AGBL3: variants seen among roughly 807,000 people sequenced by gnomAD.
The protein encoded by AGBL3 is AGBL carboxypeptidase 3, also known as cytosolic carboxypeptidase 3.
Under a neutral mutation model 94.5 loss-of-function variants are expected in AGBL3, and 68 were observed. That is an observed-to-expected ratio of 0.72 (90% CI 0.59 to 0.88). AGBL3 has a LOEUF of 0.88. Among genes scored for constraint, AGBL3 ranks in the 40% least tolerant of loss-of-function variants. AGBL3 has a pLI of 0.00. For synonymous variants in AGBL3, 354 were observed against 370.7 expected (o/e 0.95, Z 0.52); for missense variants, 934 against 1,103.8 (o/e 0.85, Z 2.18).
At chr7:134,989,180 A>G in intron 2 of AGBL3, 70 bp from the exon 3 acceptor site, 4 of 1,060,084 alleles carry the variant, frequency 3.8e-6, no homozygotes, top group Non-Finnish European at 5.6e-6. Context: ...ACTAAAATAG[A>G]TGTAAAAAAA....
At chr7:135,010,022 C>CTT (rs34139471) in intron 4 of AGBL3, 653 of 387,964 alleles carry the variant, frequency 1.7e-3, no homozygotes, top group South Asian at 2.9e-3. Context: ...GAGGATGACA[C>CTT]TTTTTTTTTT....
intron 16 of AGBL3, among the ~76,000 whole-genome samples, chr7:135,134,081 G>A (rs1829152808): frequency 6.6e-6 from 1 of 152,108 alleles, no homozygotes; most frequent in Non-Finnish European, 1.5e-5. Context: ...GAGGGGATGG[G>A]AAAGGAGGGA....
intron 15 of AGBL3, among the ~76,000 whole-genome samples, chr7:135,112,897 C>A (rs1244009516): frequency 6.6e-6 from 1 of 152,220 alleles, no homozygotes; most frequent in Non-Finnish European, 1.5e-5. Context: ...TCTGCCTCAG[C>A]CTCCTGAGTA....
chr7:135,113,580 A>T (rs1237626859), intron 15 of AGBL3, among the ~76,000 whole-genome samples: 1 of 152,166 alleles, frequency 6.6e-6, no homozygotes, highest in East Asian at 1.9e-4. Context: ...ATTATAGGAC[A>T]TTTTTTTAAA....
intron 12 of AGBL3, among the ~76,000 whole-genome samples, chr7:135,075,953 A>C (rs7798553): frequency 5.3e-5 from 8 of 152,034 alleles, no homozygotes; most frequent in Non-Finnish European, 1.2e-4. Flanking sequence ...GGGTGTGGGA[A>C]TCACAGTCAT....
At position 134,993,631 on chromosome 7, in the gene AGBL3, G is replaced by T. The variant is rs541084151; in HGVS notation, c.263G>T (p.Arg88Leu). The T allele has an allele frequency of 5.8e-6, 9 of 1,551,810 alleles. No individual in the cohort carries two copies. In the African/African-American group the frequency reaches 1.2e-4, roughly 21 times the overall value. Residue 88 changes from arginine (R) to leucine (L), a missense_variant, in exon 4 of 17, where the codon CGG becomes CTG. By Grantham distance (102) the Arg-to-Leu change is moderately radical. This residue lies in a region of AGBL3 where 488 missense variants were observed against 563.6 expected (regional missense o/e 0.87). Coordinates refer to ENST00000436302, the MANE Select transcript of AGBL3 (RefSeq NM_178563.4). ...TCTTCTGGTCCATTGAGCCCAACACGGTGGCCATACCATTGTGAAGTCATC... is the reference window on the plus strand; with the variant it reads ...TCTTCTGGTCCATTGAGCCCAACACTGTGGCCATACCATTGTGAAGTCATC... Reference protein sequence around the residue: ...VSSSGPLSPTRWPYHCEVIDE... With the variant: ...VSSSGPLSPTLWPYHCEVIDE...
chr7:135,097,546 T>C (rs1028064201), intron 15 of AGBL3, among the ~76,000 whole-genome samples: 1 of 152,184 alleles, frequency 6.6e-6, no homozygotes, highest in African/African-American at 2.4e-5. Context: ...ATTCAGTCTG[T>C]GAACTTCTTA....
chr7:134,989,189 A>T, intron 2 of AGBL3, 61 bp from the exon 3 acceptor site: 1 of 1,253,754 alleles, frequency 8.0e-7, no homozygotes. Flanking sequence ...GATGTAAAAA[A>T]ATTCTGGATT....
At chr7:135,040,921 A>C (rs1177060697) in intron 8 of AGBL3, among the ~76,000 whole-genome samples, 1 of 151,904 alleles carries the variant, frequency 6.6e-6, no homozygotes, top group Non-Finnish European at 1.5e-5. Flanking sequence ...AGAACAAGGG[A>C]ATTTAAGCAA....
intron 15 of AGBL3, among the ~76,000 whole-genome samples, chr7:135,086,874 G>A (rs1230474589): frequency 6.6e-6 from 1 of 151,928 alleles, no homozygotes; most frequent in African/African-American, 2.4e-5. Flanking sequence ...AATAAGTTTG[G>A]AAGAATTTCC....
intron 15 of AGBL3, among the ~76,000 whole-genome samples, chr7:135,097,601 G>A (rs1020751799): frequency 5.3e-5 from 8 of 152,112 alleles, no homozygotes; most frequent in Non-Finnish European, 1.0e-4. Flanking sequence ...TCTTCCATAT[G>A]TTGTACTGTG....
chr7:135,112,863 C>T (rs1430383680), intron 15 of AGBL3, among the ~76,000 whole-genome samples: 5 of 152,112 alleles, frequency 3.3e-5, no homozygotes, highest in Admixed American at 1.3e-4. Flanking sequence ...CTGCAACCTC[C>T]GCCTCCTGGG....
At chr7:135,049,459 C>T (rs1250703174) in intron 11 of AGBL3, among the ~76,000 whole-genome samples, 1 of 151,876 alleles carries the variant, frequency 6.6e-6, no homozygotes, top group South Asian at 2.1e-4. Flanking sequence ...TGAAAGTTCA[C>T]TCTCCTTCTA....
intron 16 of AGBL3, among the ~76,000 whole-genome samples, chr7:135,119,985 A>G (rs529302136): frequency 6.6e-6 from 1 of 152,362 alleles, no homozygotes; most frequent in South Asian, 2.1e-4. Flanking sequence ...CACAAAGCAC[A>G]ATAATTTTAA....
intron 16 of AGBL3, among the ~76,000 whole-genome samples, chr7:135,132,846 C>T (rs758474786): frequency 2.0e-5 from 3 of 152,154 alleles, no homozygotes; most frequent in Non-Finnish European, 2.9e-5. Flanking sequence ...TTATAAATTA[C>T]CCAGCATTGG....
At chr7:134,994,970 T>G (rs1186696383) in intron 4 of AGBL3, among the ~76,000 whole-genome samples, 1 of 152,102 alleles carries the variant, frequency 6.6e-6, no homozygotes, top group East Asian at 1.9e-4. Context: ...CCACCTCTCC[T>G]CTGCTACCAC....
chr7:135,101,044 G>A, intron 15 of AGBL3: 1 of 383,424 alleles, frequency 2.6e-6, no homozygotes, highest in African/African-American at 2.1e-5. Flanking sequence ...GTAGCTTACT[G>A]TTGACAATGA....
intron 5 of AGBL3, among the ~76,000 whole-genome samples, chr7:135,026,108 C>A (rs1253677178): frequency 6.6e-6 from 1 of 151,290 alleles, no homozygotes; most frequent in African/African-American, 2.4e-5. Flanking sequence ...ATGTATTCTT[C>A]TCATTTGCAC....
At chr7:135,125,577 A>T (rs1016383020) in intron 16 of AGBL3, among the ~76,000 whole-genome samples, 1 of 152,208 alleles carries the variant, frequency 6.6e-6, no homozygotes, top group African/African-American at 2.4e-5. Context: ...AAAACCAGGA[A>T]GAGACACAAC....
Sources: gnomAD v4.1 joint callset for allele counts (sites outside exome capture counted in the v4.1 genomes callset) on GRCh38, gnomAD v4.1.1 for gene constraint, gnomAD v4.1.1 regional missense constraint, MANE v1.5 for transcripts, NCBI Gene and HGNC (gene_info 2026-07-23, HGNC 2026-07-21) for gene names.